The following SLMAP variants were observed in gnomAD, a reference collection of about 807,000 sequenced individuals.
The protein encoded by SLMAP is sarcolemma associated protein, also known as sarcolemmal membrane-associated protein.
SLMAP carries 44 observed loss-of-function variants against 128.8 expected under a neutral mutation model. That is an observed-to-expected ratio of 0.34 (90% CI 0.27 to 0.44). The LOEUF (loss-of-function observed/expected upper bound fraction) is 0.44, where lower values mean the gene tolerates loss of function less well. Ranked by LOEUF, SLMAP falls within the 20% of genes least tolerant of loss-of-function variation. The pLI is 1.00. For synonymous variants in SLMAP, 327 were observed against 348.8 expected (o/e 0.94, Z 0.70); for missense variants, 787 against 985.3 (o/e 0.80, Z 2.69).
intron 22 of SLMAP, among the ~76,000 whole-genome samples, chr3:57,921,092 T>C (rs1354436540): frequency 6.6e-6 from 1 of 152,002 alleles, no homozygotes; most frequent in Non-Finnish European, 1.5e-5. Flanking sequence ...GAACAATCTC[T>C]GTTCTTTGAC....
At chr3:57,782,003 C>T (rs577899815) in intron 2 of SLMAP, among the ~76,000 whole-genome samples, 1 of 152,182 alleles carries the variant, frequency 6.6e-6, no homozygotes, top group South Asian at 2.1e-4. Flanking sequence ...AAAGTGTTGG[C>T]ATTACAGGTG....
chr3:57,769,881 T>C (rs1416462683), intron 2 of SLMAP, among the ~76,000 whole-genome samples: 1 of 152,194 alleles, frequency 6.6e-6, no homozygotes, highest in Non-Finnish European at 1.5e-5. Flanking sequence ...TTTGGTGTTA[T>C]TGAGAAGTTG....
chr3:57,764,171 A>T (rs1246588433), intron 2 of SLMAP, among the ~76,000 whole-genome samples: 1 of 152,118 alleles, frequency 6.6e-6, no homozygotes, highest in African/African-American at 2.4e-5. Context: ...GGCCTACGAG[A>T]GTTCTGAGCA....
intron 2 of SLMAP, among the ~76,000 whole-genome samples, chr3:57,828,068 C>G (rs1019270313): frequency 2.0e-5 from 3 of 152,232 alleles, no homozygotes; most frequent in Non-Finnish European, 4.4e-5. Flanking sequence ...CCTGTCTCAG[C>G]CCCTCACTGC....
chr3:57,784,800 G>A (rs901692722), intron 2 of SLMAP, among the ~76,000 whole-genome samples: 4 of 152,262 alleles, frequency 2.6e-5, no homozygotes, highest in Middle Eastern at 3.4e-3. Flanking sequence ...GGGAGGTGGG[G>A]CCTAATAAGA....
intron 22 of SLMAP, among the ~76,000 whole-genome samples, chr3:57,922,425 CTTTT>C (rs72397483): frequency 8.0e-6 from 1 of 124,992 alleles, no homozygotes; most frequent in Non-Finnish European, 1.7e-5. Flanking sequence ...AAAGGCTTTT[CTTTT>C]TTTTTTTTTT....
chr3:57,833,077 A>G (rs2093434111), intron 3 of SLMAP, among the ~76,000 whole-genome samples: 1 of 152,210 alleles, frequency 6.6e-6, no homozygotes, highest in Non-Finnish European at 1.5e-5. Context: ...GAATTTGATT[A>G]CATTGTCTTT....
intron 2 of SLMAP, among the ~76,000 whole-genome samples, chr3:57,819,964 C>T (rs2092351267): frequency 6.6e-6 from 1 of 152,054 alleles, no homozygotes; most frequent in South Asian, 2.1e-4. Flanking sequence ...GTTGCCCAGA[C>T]TGGTCTTGAA....
intron 17 of SLMAP, among the ~76,000 whole-genome samples, chr3:57,907,462 G>A (rs2096597787): frequency 6.6e-6 from 1 of 152,128 alleles, no homozygotes; most frequent in African/African-American, 2.4e-5. Flanking sequence ...TTGAAGAAAA[G>A]TTTCTTTTTG....
intron 13 of SLMAP, among the ~76,000 whole-genome samples, chr3:57,869,636 A>ATATATATATATATATATAT (rs2095425558): frequency 8.0e-6 from 1 of 124,374 alleles, no homozygotes; most frequent in Admixed American, 8.1e-5. Context: ...TCTATTATAT[A>ATATATATATATATATATAT]TATATATATA....
intron 6 of SLMAP, 47 bp downstream of exon 6, chr3:57,849,863 C>A: frequency 9.1e-7 from 1 of 1,102,972 alleles, no homozygotes; most frequent in Non-Finnish European, 1.4e-6. Flanking sequence ...TTCTTTTAAA[C>A]TTTTAAAAGT....
chr3:57,913,928 A>T (rs985940820), intron 21 of SLMAP, among the ~76,000 whole-genome samples: 1 of 152,108 alleles, frequency 6.6e-6, no homozygotes, highest in Non-Finnish European at 1.5e-5. Context: ...ACTGCACTCC[A>T]ACCTGGGTGA....
chr3:57,799,724 T>C (rs1312339067), intron 2 of SLMAP, among the ~76,000 whole-genome samples: 1 of 152,226 alleles, frequency 6.6e-6, no homozygotes, highest in African/African-American at 2.4e-5. Flanking sequence ...ATTGCACCAC[T>C]GGACCTTTGG....
At chr3:57,925,241 C>T (rs2153710796) in intron 23 of SLMAP, among the ~76,000 whole-genome samples, 1 of 151,896 alleles carries the variant, frequency 6.6e-6, no homozygotes, top group South Asian at 2.1e-4. Flanking sequence ...AGTCATGAGC[C>T]ACTGCATTCG....
chr3:57,800,679 G>A (rs2088057698), intron 2 of SLMAP: 1 of 152,626 alleles, frequency 6.6e-6, no homozygotes, highest in Admixed American at 6.6e-5. Context: ...TGGACACATA[G>A]AATATTCATT....
intron 2 of SLMAP, among the ~76,000 whole-genome samples, chr3:57,820,516 C>G (rs1292285954): frequency 2.0e-5 from 3 of 152,174 alleles, no homozygotes; most frequent in African/African-American, 7.2e-5. Context: ...CTTTCAGCCC[C>G]CGCCCCCACT....
chr3:57,855,646 G>A (rs1368956546), intron 6 of SLMAP, among the ~76,000 whole-genome samples: 1 of 150,000 alleles, frequency 6.7e-6, no homozygotes. Flanking sequence ...GATGGCTAAG[G>A]TGGGAGGATC....
At chr3:57,820,917 C>CT (rs2153529399) in intron 2 of SLMAP, among the ~76,000 whole-genome samples, 1 of 152,258 alleles carries the variant, frequency 6.6e-6, no homozygotes, top group African/African-American at 2.4e-5. Flanking sequence ...ATCTACAGGA[C>CT]TTAAGGCAAA....
At chr3:57,832,655 T>C (rs2093408398) in intron 3 of SLMAP, among the ~76,000 whole-genome samples, 2 of 152,172 alleles carry the variant, frequency 1.3e-5, no homozygotes, top group Admixed American at 6.5e-5. Flanking sequence ...TTTTGCATAG[T>C]AGAGATGGTG....
Sources: allele counts gnomAD v4.1 joint callset (sites outside exome capture counted in the v4.1 genomes callset), GRCh38; gene constraint gnomAD v4.1.1; transcripts MANE v1.5; gene names NCBI Gene and HGNC (gene_info 2026-07-23, HGNC 2026-07-21).